CPS1: variants seen among roughly 807,000 people sequenced by gnomAD.
The protein encoded by CPS1 is carbamoyl-phosphate synthase 1.
In CPS1, 109 loss-of-function variants were observed where a neutral mutation model predicts 174.6. The ratio of observed to expected loss-of-function variants is 0.62; its 90% CI spans 0.53 to 0.73. CPS1 has a LOEUF of 0.73. CPS1 is among the 30% of genes least tolerant of loss of function. CPS1 has a pLI of 0.00. For synonymous variants in CPS1, 637 were observed against 632.0 expected, an observed-to-expected ratio of 1.01 and a Z score of -0.12; for missense variants, 1,689 against 1,821.9, an observed-to-expected ratio of 0.93 and a Z score of 1.33.
chr2:210,635,333 C>A (rs1392968640), intron 21 of CPS1, among the ~76,000 whole-genome samples: 1 of 152,176 alleles, frequency 6.6e-6, no homozygotes, highest in Non-Finnish European at 1.5e-5. Flanking sequence ...CTTTCTCTGG[C>A]CTCACGTAGC....
intron 21 of CPS1, among the ~76,000 whole-genome samples, chr2:210,627,053 C>T (rs898801352): frequency 2.6e-5 from 4 of 152,070 alleles, no homozygotes; most frequent in African/African-American, 4.8e-5. Context: ...GCTTCTTTTG[C>T]GAGATATGAC....
intron 1 of CPS1, among the ~76,000 whole-genome samples, chr2:210,504,971 G>A (rs1396596754): frequency 2.6e-5 from 4 of 151,824 alleles, no homozygotes. Context: ...AGGAATAGGG[G>A]CTGATATATA....
At position 210,570,927 on chromosome 2, in the gene CPS1, C is replaced by T. The variant is rs184661580; in HGVS notation, c.127-2371C>T. Among the ~76,000 whole-genome samples, 616 of 151,988 alleles carry T rather than the reference C, an allele frequency of 4.1e-3. 5 individuals carry two copies. Among genetic ancestry groups the T allele is most frequent in the African/African-American group, 0.013 (558 of 41,524 alleles). On this transcript the variant is annotated intron_variant, in intron 1 of 37. Coordinates refer to ENST00000233072, the MANE Select transcript of CPS1 (RefSeq NM_001875.5). ...TAGCTTATAATAATCTTTAGAAATA[C>T]ACTGAATACTATCACTCTTACTTTC...
chr2:210,500,864 A>G (rs1695121063), intron 1 of CPS1, among the ~76,000 whole-genome samples: 1 of 152,212 alleles, frequency 6.6e-6, no homozygotes, highest in African/African-American at 2.4e-5. Flanking sequence ...CTCCAACCCC[A>G]TCTTTCCCTT....
chr2:210,642,511 C>T lies in CPS1; in HGVS notation c.2987C>T (p.Ala996Val), dbSNP rs761218425. The change falls in exon 25 of 38, where the codon GCT (alanine) becomes GTT (valine). Residue 996 changes from alanine (A) to valine (V), a missense_variant. Ala to Val is a moderately conservative substitution (Grantham distance 64). Coordinates refer to ENST00000233072, the MANE Select transcript of CPS1 (RefSeq NM_001875.5). ...IGSSVEFDWC[A>V]VSSIRTLRQL... is the part of the protein sequence containing the mutation. ...AGCAGTGTGGAATTTGATTGGTGTG[C>T]TGTCTCTAGTATCCGCACACTGCGT... The T allele has an allele frequency of 6.2e-7, 1 of 1,613,904 alleles. No homozygotes were observed. Among genetic ancestry groups the T allele is most frequent in the Non-Finnish European group, 8.5e-7 (1 of 1,179,844 alleles).
chr2:210,577,318 T>C, intron 3 of CPS1, 103 bp from the exon 4 acceptor site: 1 of 891,792 alleles, frequency 1.1e-6, no homozygotes, highest in Non-Finnish European at 1.9e-6. Context: ...CTAAGTCTCA[T>C]GTCAGTGGAT....
chr2:210,490,865 A>C (rs928720802), intron 1 of CPS1, among the ~76,000 whole-genome samples: 1 of 152,194 alleles, frequency 6.6e-6, no homozygotes, highest in African/African-American at 2.4e-5. Flanking sequence ...AGATAATATT[A>C]TCCACAGAAT....
intron 20 of CPS1, among the ~76,000 whole-genome samples, 153 bp downstream of exon 20, chr2:210,612,446 A>G (rs749297635): frequency 1.3e-5 from 2 of 151,982 alleles, no homozygotes; most frequent in East Asian, 1.9e-4. Context: ...GGAAACATCT[A>G]TAGATTTCAT....
chr2:210,615,179 A>G (rs1699265639), intron 20 of CPS1, among the ~76,000 whole-genome samples: 1 of 151,950 alleles, frequency 6.6e-6, no homozygotes, highest in African/African-American at 2.4e-5. Flanking sequence ...CAGTAACTTA[A>G]GGTTCTCTCC....
chr2:210,619,765 C>T (rs1335418132), intron 21 of CPS1: 4 of 152,098 alleles, frequency 2.6e-5, no homozygotes, highest in East Asian at 1.9e-4. Flanking sequence ...TTCTAAAGTC[C>T]GATAAACACA....
chr2:210,571,141 TAATA>T (rs1431012226), intron 1 of CPS1, among the ~76,000 whole-genome samples: 1 of 151,900 alleles, frequency 6.6e-6, no homozygotes, highest in African/African-American at 2.4e-5. Context: ...TCATAATAAA[TAATA>T]AATAAATAAA....
chr2:210,624,390 G>T (rs1320157644), intron 21 of CPS1, among the ~76,000 whole-genome samples: 1 of 152,010 alleles, frequency 6.6e-6, no homozygotes, highest in African/African-American at 2.4e-5. Flanking sequence ...ACCATTCTAT[G>T]CTTTCAGTCT....
chr2:210,667,828 CATT>C (rs1466587301), intron 33 of CPS1, among the ~76,000 whole-genome samples: 1 of 152,188 alleles, frequency 6.6e-6, no homozygotes, highest in Non-Finnish European at 1.5e-5. Context: ...AAACTTACCA[CATT>C]ATGGACCAGA....
chr2:210,502,491 T>C (rs887733393), intron 1 of CPS1, among the ~76,000 whole-genome samples: 46 of 147,790 alleles, frequency 3.1e-4, no homozygotes, highest in African/African-American at 1.1e-3. Flanking sequence ...AAAAGAGATA[T>C]AAATATAGAG....
chr2:210,625,435 T>C (rs1699668796), intron 21 of CPS1, among the ~76,000 whole-genome samples: 1 of 152,122 alleles, frequency 6.6e-6, no homozygotes, highest in African/African-American at 2.4e-5. Context: ...ACTTTACACA[T>C]GTTATCTCAT....
chr2:210,566,436 C>T (rs993688263), intron 1 of CPS1, among the ~76,000 whole-genome samples: 5 of 152,136 alleles, frequency 3.3e-5, no homozygotes, highest in African/African-American at 9.7e-5. Context: ...CATGACTTGA[C>T]ATTTCACTTT....
intron 1 of CPS1, among the ~76,000 whole-genome samples, chr2:210,531,337 A>G (rs991771081): frequency 1.6e-4 from 24 of 152,108 alleles, no homozygotes; most frequent in African/African-American, 5.5e-4. Flanking sequence ...TGTGGTTTCT[A>G]TTTAGCATCG....
At chr2:210,568,440 C>A (rs1283027579) in intron 1 of CPS1, among the ~76,000 whole-genome samples, 1 of 152,046 alleles carries the variant, frequency 6.6e-6, no homozygotes, top group Non-Finnish European at 1.5e-5. Context: ...AGACTGGAGG[C>A]AGGCAGAACA....
chr2:210,677,836 A>C (rs746745602), intron 37 of CPS1, 51 bp from the exon 38 acceptor site: 1 of 1,385,088 alleles, frequency 7.2e-7, no homozygotes, highest in Non-Finnish European at 1.0e-6. Context: ...ATTCATTAAA[A>C]ATTCACTTTT....
Sources: gnomAD v4.1 joint callset for allele counts (sites outside exome capture counted in the v4.1 genomes callset) on GRCh38, gnomAD v4.1.1 for gene constraint, MANE v1.5 for transcripts, NCBI Gene and HGNC (gene_info 2026-07-23, HGNC 2026-07-21) for gene names.